MYOM1: variants seen among roughly 807,000 people sequenced by gnomAD.
MYOM1 encodes the protein myomesin 1.
MYOM1 carries 164 observed loss-of-function variants against 205.3 expected under a neutral mutation model. That is an observed-to-expected ratio of 0.80 (90% CI 0.70 to 0.91). MYOM1 has a LOEUF of 0.91. MYOM1 is among the 40% of genes least tolerant of loss of function. The pLI, the probability that MYOM1 is intolerant of heterozygous loss-of-function variation, is 0.00. For synonymous variants in MYOM1, 772 were observed against 789.4 expected (o/e 0.98, Z 0.37); for missense variants, 2,011 against 2,127.3 (o/e 0.95, Z 1.08).
Position 3,135,998 on chromosome 18 carries a change from G to C in MYOM1, c.2026-268C>G, listed in dbSNP as rs1018838613. 1.3e-5 allele frequency among the ~76,000 whole-genome samples: 2 copies of C among 152,186 alleles called. No homozygotes were observed. Among genetic ancestry groups the C allele is most frequent in the Non-Finnish European group, 2.9e-5 (2 of 68,036 alleles). ...TCCCATAATTCCCATGTGTGTGGGAGGGACCTGGTGGGAGATAATTGAATC... is the reference window on the plus strand; with the variant it reads ...TCCCATAATTCCCATGTGTGTGGGACGGACCTGGTGGGAGATAATTGAATC... On this transcript the variant is annotated intron_variant, in intron 14 of 37. Transcript: ENST00000356443. This position sits in a 1 kb window ranked among gnomAD's most constrained non-coding sequence, Gnocchi z 4.1.
intron 21 of MYOM1, among the ~76,000 whole-genome samples, chr18:3,115,930 C>T (rs987366591): frequency 3.3e-5 from 5 of 152,090 alleles, no homozygotes; most frequent in Non-Finnish European, 7.4e-5. Flanking sequence ...CACAGGCTTC[C>T]TGGTGTGAAC....
rs1321034428 is a variant in MYOM1 at position 3,067,471 on chromosome 18, C to T, written c.4849G>A (p.Asp1617Asn). The T allele has an allele frequency of 1.9e-6, 3 of 1,613,786 alleles. No homozygotes were observed. Among genetic ancestry groups the T allele is most frequent in the South Asian group, 1.1e-5 (1 of 91,068 alleles). Residue 1617 changes from aspartate (D) to asparagine (N), a missense_variant, in exon 38 of 38, where the codon GAC (aspartate) becomes AAC (asparagine). Coordinates refer to ENST00000356443, the MANE Select transcript of MYOM1 (RefSeq NM_003803.4). ...GCCTCGAACTTGAGGTTGCAGTGGT[C>T]GTCTGAGGCCAGGGCCTTCTCGTTC... ...LKNEKALASD[D>N]HCNLKFEAGR... is the part of the protein sequence containing the mutation.
chr18:3,142,101 TG>T, intron 13 of MYOM1, 38 bp from the exon 14 acceptor site: 1 of 1,607,932 alleles, frequency 6.2e-7, no homozygotes, highest in Non-Finnish European at 8.5e-7. Context: ...GCACACATTC[TG>T]GGTAGCCCAG....
At chr18:3,170,955 G>T (rs1241805111) in intron 8 of MYOM1, among the ~76,000 whole-genome samples, 2 of 152,140 alleles carry the variant, frequency 1.3e-5, no homozygotes, top group Admixed American at 6.5e-5. Flanking sequence ...GAAAATGCAA[G>T]CTGACATTTA....
At chr18:3,212,261 A>G (rs1261863305) in intron 2 of MYOM1, among the ~76,000 whole-genome samples, 1 of 152,216 alleles carries the variant, frequency 6.6e-6, no homozygotes, top group African/African-American at 2.4e-5. Flanking sequence ...CTACAAAAAT[A>G]TATACATAGT....
At chr18:3,108,751 G>C (rs779510907) in intron 22 of MYOM1, among the ~76,000 whole-genome samples, 26 of 152,214 alleles carry the variant, frequency 1.7e-4, no homozygotes, top group Non-Finnish European at 2.2e-4. Flanking sequence ...ATGTTGGCCA[G>C]GCTGATCTCG....
At chr18:3,193,287 T>TATATAC (rs1274750430) in intron 3 of MYOM1, among the ~76,000 whole-genome samples, 3 of 149,704 alleles carry the variant, frequency 2.0e-5, no homozygotes, top group Non-Finnish European at 3.0e-5. Context: ...TACATAAATA[T>TATATAC]ATATACATAT....
At chr18:3,193,740 T>C in intron 3 of MYOM1, 78 bp downstream of exon 3, 1 of 1,400,640 alleles carries the variant, frequency 7.1e-7, no homozygotes, top group Non-Finnish European at 9.7e-7. Flanking sequence ...ACAACAATTA[T>C]GACTATAATC....
chr18:3,193,357 T>TGTAC (rs2080944577), intron 3 of MYOM1, among the ~76,000 whole-genome samples: 2 of 102,826 alleles, frequency 1.9e-5, no homozygotes, highest in African/African-American at 6.5e-5. Context: ...CATATATATA[T>TGTAC]ATATACACAC....
At position 3,078,701 on chromosome 18, in the gene MYOM1, G is replaced by A. The variant is rs530375570; in HGVS notation, c.4648+478C>T. Among the ~76,000 whole-genome samples, 25 of 152,244 alleles carry A rather than the reference G, an allele frequency of 1.6e-4. No individual in the cohort carries two copies. The South Asian group carries it at 5.2e-3, about 32-fold the overall frequency. On this transcript the variant is annotated intron_variant, in intron 34 of 37. Transcript: ENST00000356443. ...TCCTCCCACCTTGGCCTCCCAAAGTGCTAGGATTAAAGGCCACCATGCCGG... is the reference window on the plus strand; with the variant it reads ...TCCTCCCACCTTGGCCTCCCAAAGTACTAGGATTAAAGGCCACCATGCCGG...
At position 3,154,989 on chromosome 18, in the gene MYOM1, G is replaced by A; in HGVS notation, c.1601C>T (p.Ala534Val). Residue 534 changes from alanine to valine, a missense_variant, in exon 11 of 38, where the codon GCT (alanine) becomes GTT (valine). Coordinates refer to ENST00000356443, the MANE Select transcript of MYOM1 (RefSeq NM_003803.4). ...DYIIISWKQP[A>V]VDGGSPILGY... Reference sequence around the variant, plus strand: ...GAGAATAGGACTCCCTCCATCGACAGCTGGCTGTTTCCAGGAGATGATGAT... The same window carrying A: ...GAGAATAGGACTCCCTCCATCGACAACTGGCTGTTTCCAGGAGATGATGAT... The A allele has an allele frequency of 1.2e-6, 2 of 1,613,048 alleles. No homozygotes were observed.
At chr18:3,230,507 T>C in the MYOM1 span, among the ~76,000 whole-genome samples, 1 of 152,270 alleles carries the variant, frequency 6.6e-6, no homozygotes, top group East Asian at 1.9e-4. Flanking sequence ...GGCCAAGTTT[T>C]CATTTGCATA....
intron 25 of MYOM1, among the ~76,000 whole-genome samples, chr18:3,099,505 C>T (rs896667097): frequency 3.3e-5 from 5 of 152,224 alleles, no homozygotes; most frequent in Non-Finnish European, 7.3e-5. Flanking sequence ...GGATGCTTCA[C>T]TACCTTGGCC....
chr18:3,223,628 C>A (rs1227528572), upstream of MYOM1, among the ~76,000 whole-genome samples: 2 of 152,184 alleles, frequency 1.3e-5, no homozygotes, highest in East Asian at 1.9e-4. Flanking sequence ...ATAACCTGTG[C>A]TATCAATCCA....
At chr18:3,224,992 T>C in the MYOM1 span, among the ~76,000 whole-genome samples, 1 of 146,212 alleles carries the variant, frequency 6.8e-6, no homozygotes, top group Non-Finnish European at 1.5e-5. Flanking sequence ...TTTTATTTTA[T>C]TTTATTTTAT....
At chr18:3,116,701 C>A (rs2143819811) in intron 20 of MYOM1, among the ~76,000 whole-genome samples, 186 bp from the exon 21 acceptor site, 1 of 152,286 alleles carries the variant, frequency 6.6e-6, no homozygotes, top group South Asian at 2.1e-4. Context: ...TCTACATTAG[C>A]CCACTGAGTC....
At chr18:3,223,630 A>G (rs903179078), upstream of MYOM1, among the ~76,000 whole-genome samples, 14 of 152,232 alleles carry the variant, frequency 9.2e-5, no homozygotes, top group African/African-American at 3.4e-4. Context: ...AACCTGTGCT[A>G]TCAATCCACA....
chr18:3,079,470 T>C, intron 33 of MYOM1, 128 bp from the exon 34 acceptor site: 1 of 1,046,846 alleles, frequency 9.6e-7, no homozygotes, highest in Non-Finnish European at 1.3e-6. Flanking sequence ...CTGCATATGT[T>C]ATTCTTCTGC....
the MYOM1 span, among the ~76,000 whole-genome samples, chr18:3,244,662 G>A: frequency 1.7e-4 from 26 of 151,800 alleles, no homozygotes; most frequent in Non-Finnish European, 3.2e-4. Flanking sequence ...AGGCTGAGGC[G>A]GGTGGATCAC....
Sources: allele counts gnomAD v4.1 joint callset (sites outside exome capture counted in the v4.1 genomes callset), GRCh38; gene constraint gnomAD v4.1.1; non-coding constraint Gnocchi (gnomAD v3.1); transcripts MANE v1.5; gene names NCBI Gene and HGNC (gene_info 2026-07-23, HGNC 2026-07-21).